KIF9: variants seen among roughly 807,000 people sequenced by gnomAD.
KIF9 encodes the protein kinesin family member 9, also known as kinesin-like protein KIF9.
KIF9 carries 68 observed loss-of-function variants against 94.8 expected under a neutral mutation model. The observed-to-expected ratio is 0.72, with a 90% confidence interval of 0.59 to 0.88. KIF9 has a LOEUF of 0.88. Among genes scored for constraint, KIF9 ranks in the 40% least tolerant of loss-of-function variants. The pLI, the probability that KIF9 is intolerant of heterozygous loss-of-function variation, is 0.00. For synonymous variants in KIF9, 343 were observed against 362.1 expected (o/e 0.95, Z 0.60); for missense variants, 882 against 982.5 (o/e 0.90, Z 1.37).
At chr3:47,266,138 G>A (rs1701277699) in intron 7 of KIF9, 2 of 385,250 alleles carry the variant, frequency 5.2e-6, no homozygotes, top group South Asian at 4.5e-5. Context: ...ATATTCATAT[G>A]GACATTCACT....
At chr3:47,278,070 T>C (rs1702089167) in intron 1 of KIF9, among the ~76,000 whole-genome samples, 1 of 151,916 alleles carries the variant, frequency 6.6e-6, no homozygotes, top group African/African-American at 2.4e-5. Flanking sequence ...AGGACATATA[T>C]ACATACATTT....
rs759328243 is a variant in KIF9 at position 47,228,173 on chromosome 3, G to C, written c.*479C>G. 1 of 153,478 alleles carries C rather than the reference G, an allele frequency of 6.5e-6. No individual in the cohort carries two copies. The highest frequency in any genetic ancestry group is 1.4e-5 in the Non-Finnish European group (1 of 68,986). The allele number at this position is 153,478 out of a possible 1,614,324, so 9.5% of individuals were successfully genotyped here. ...GATGTCTTGAGAGAACTTAGGGTCTGAGGGAGCTGTGAGAAGCAGAGCTCC... is the reference window on the plus strand; with the variant it reads ...GATGTCTTGAGAGAACTTAGGGTCTCAGGGAGCTGTGAGAAGCAGAGCTCC... On this transcript the variant is annotated 3_prime_UTR_variant, in exon 21 of 21. Transcript: ENST00000684063.
chr3:47,249,223 G>A (rs147701990), intron 10 of KIF9, among the ~76,000 whole-genome samples: 57 of 149,716 alleles, frequency 3.8e-4, no homozygotes, highest in African/African-American at 9.8e-4. Flanking sequence ...TTGGCTCACC[G>A]CAACCTCTGC....
rs1277509972 is a variant in KIF9, at chr3:47,275,466, C to CTT, written c.116_117dup (p.Asp40LysfsTer65). ...TTATTGACAACTCCTCTCCGAATGT[C>CTT]TTTTTTTAAGTGAATATCAATGCTC... is the stretch of plus-strand genomic sequence containing the variant. On this transcript the variant is annotated frameshift_variant, in exon 3 of 21. Coordinates refer to ENST00000684063, the MANE Select transcript of KIF9 (RefSeq NM_182902.4). LOFTEE classifies it high-confidence loss of function. 2.5e-6 allele frequency: 4 copies of CTT among 1,609,176 alleles called. No individual in the cohort carries two copies. In the East Asian group the frequency reaches 8.9e-5, roughly 36 times the overall value.
chr3:47,243,017 T>A (rs1173444066), intron 16 of KIF9, 34 bp downstream of exon 16: 1 of 1,546,132 alleles, frequency 6.5e-7, no homozygotes, highest in Admixed American at 1.8e-5. Flanking sequence ...TGGTTTTGTT[T>A]GATCTGGTGC....
chr3:47,245,331 G>T, intron 14 of KIF9, 90 bp downstream of exon 14: 4 of 970,428 alleles, frequency 4.1e-6, no homozygotes, highest in Non-Finnish European at 6.7e-6. Context: ...CCTAGCTCTG[G>T]TTTAATGCAT....
intron 20 of KIF9, among the ~76,000 whole-genome samples, chr3:47,232,445 C>A (rs1056198921): frequency 2.6e-5 from 4 of 151,848 alleles, no homozygotes; most frequent in Admixed American, 2.0e-4. Flanking sequence ...TCACCACACC[C>A]GGCTAATTTT....
chr3:47,255,059 G>C (rs1033511212), intron 10 of KIF9, among the ~76,000 whole-genome samples: 1 of 152,190 alleles, frequency 6.6e-6, no homozygotes, highest in Non-Finnish European at 1.5e-5. Flanking sequence ...TCAGGATTTA[G>C]AATCTGAAAA....
chr3:47,257,107 C>A (rs1700666451), intron 10 of KIF9, among the ~76,000 whole-genome samples: 1 of 151,932 alleles, frequency 6.6e-6, no homozygotes, highest in Non-Finnish European at 1.5e-5. Context: ...CTGCCAAATC[C>A]CCCTCTGTGA....
intron 2 of KIF9, chr3:47,277,050 C>T: frequency 2.8e-6 from 1 of 360,192 alleles, no homozygotes; most frequent in Non-Finnish European, 5.0e-6. Flanking sequence ...TAAAGGTAAA[C>T]TTATTAATTT....
chr3:47,237,148 G>A (rs967043099), intron 17 of KIF9, among the ~76,000 whole-genome samples: 3 of 152,080 alleles, frequency 2.0e-5, no homozygotes, highest in Admixed American at 6.5e-5. Flanking sequence ...AGGCTAGAGT[G>A]CAGTGGCACA....
intron 11 of KIF9, among the ~76,000 whole-genome samples, chr3:47,247,804 T>C (rs761595280): frequency 6.6e-6 from 1 of 152,180 alleles, no homozygotes; most frequent in Non-Finnish European, 1.5e-5. Flanking sequence ...GCGCTGCCTC[T>C]GCCTCGAGGC....
At chr3:47,266,005 G>C (rs1701268162) in intron 7 of KIF9, 128 bp from the exon 8 acceptor site, 1 of 919,248 alleles carries the variant, frequency 1.1e-6, no homozygotes, top group African/African-American at 1.7e-5. Flanking sequence ...CCCAGAACCA[G>C]GGTCTTCTTT....
At chr3:47,235,749 C>T (rs1698976460) in intron 19 of KIF9, 132 bp from the exon 20 acceptor site, 2 of 698,440 alleles carry the variant, frequency 2.9e-6, no homozygotes, top group Middle Eastern at 7.9e-4. Context: ...GGGCATCTCA[C>T]AGCCCTCCAG....
intron 9 of KIF9, among the ~76,000 whole-genome samples, chr3:47,262,662 C>A (rs1003664753): frequency 1.1e-4 from 16 of 152,140 alleles, no homozygotes; most frequent in Admixed American, 2.0e-4. Flanking sequence ...GCTCTCCTCC[C>A]CTGCCTCCCA....
intron 1 of KIF9, 28 bp from the exon 2 acceptor site, chr3:47,277,407 G>T: frequency 6.8e-7 from 1 of 1,476,764 alleles, no homozygotes; most frequent in Non-Finnish European, 9.5e-7. Context: ...ATGAAATTTT[G>T]AGTAGTCATT....
intron 9 of KIF9, among the ~76,000 whole-genome samples, chr3:47,258,746 C>G (rs1700774650): frequency 6.6e-6 from 1 of 152,174 alleles, no homozygotes; most frequent in Admixed American, 6.5e-5. Flanking sequence ...GAGGCCGCCC[C>G]CAAAGCAGAT....
intron 9 of KIF9, among the ~76,000 whole-genome samples, chr3:47,262,433 C>A (rs1487034553): frequency 2.6e-5 from 4 of 152,062 alleles, no homozygotes; most frequent in African/African-American, 9.7e-5. Context: ...CCACACTCTG[C>A]TAATTTTTAT....
At chr3:47,278,514 C>T (rs774450120) in intron 1 of KIF9, among the ~76,000 whole-genome samples, 8 of 152,064 alleles carry the variant, frequency 5.3e-5, no homozygotes, top group East Asian at 1.9e-4. Context: ...AGACTACAGG[C>T]GCATGGCTTG....
Sources: gnomAD v4.1 joint callset for allele counts (sites outside exome capture counted in the v4.1 genomes callset) on GRCh38, gnomAD v4.1.1 for gene constraint, MANE v1.5 for transcripts, NCBI Gene and HGNC (gene_info 2026-07-23, HGNC 2026-07-21) for gene names.